Variants in SRSF12 observed in about 807,000 individuals in gnomAD.
The protein encoded by SRSF12 is serine/arginine-rich splicing factor 12.
In SRSF12, 21 loss-of-function variants were observed where a neutral mutation model predicts 34.1. The ratio of observed to expected loss-of-function variants is 0.62; its 90% CI spans 0.44 to 0.89. The LOEUF is 0.89. Ranked by LOEUF, SRSF12 falls within the 40% of genes least tolerant of loss-of-function variation. The pLI is 0.00. For synonymous variants in SRSF12, 111 were observed against 110.8 expected, an observed-to-expected ratio of 1.00 and a Z score of -0.01; for missense variants, 278 against 327.8, an observed-to-expected ratio of 0.85 and a Z score of 1.17.
At chr6:89,110,523 T>C (rs1031040712) in intron 1 of SRSF12, among the ~76,000 whole-genome samples, 5 of 152,212 alleles carry the variant, frequency 3.3e-5, no homozygotes, top group Middle Eastern at 6.3e-3. Flanking sequence ...ACCAGTCTGA[T>C]TGGTTGTAGG....
intron 1 of SRSF12, among the ~76,000 whole-genome samples, chr6:89,112,419 T>C (rs1397740005): frequency 5.9e-5 from 9 of 151,646 alleles, no homozygotes; most frequent in African/African-American, 2.2e-4. Flanking sequence ...CCAAATTAAT[T>C]TCTTTCTAGT....
At chr6:89,117,798 C>A (rs762979246) in intron 1 of SRSF12, 25 bp downstream of exon 1, 1 of 1,543,516 alleles carries the variant, frequency 6.5e-7, no homozygotes. Flanking sequence ...CTCCGCGCCC[C>A]CAACCTGCAG....
At chr6:89,105,298 T>C (rs775271474) in intron 3 of SRSF12, 38 bp from the exon 4 acceptor site, 1 of 1,584,988 alleles carries the variant, frequency 6.3e-7, no homozygotes, top group Non-Finnish European at 8.6e-7. Context: ...CATAATTCGT[T>C]ACCTGAACAC....
chr6:89,104,413 T>C (rs1239596362), intron 4 of SRSF12, among the ~76,000 whole-genome samples: 5 of 151,962 alleles, frequency 3.3e-5, no homozygotes, highest in African/African-American at 4.8e-5. Context: ...AATTTTTGTA[T>C]TTTTAGTAGA....
chr6:89,105,301 C>A, intron 3 of SRSF12, 41 bp from the exon 4 acceptor site: 1 of 1,581,324 alleles, frequency 6.3e-7, no homozygotes, highest in Non-Finnish European at 8.6e-7. Context: ...AATTCGTTAC[C>A]TGAACACCAC....
intron 1 of SRSF12, among the ~76,000 whole-genome samples, chr6:89,113,705 G>A (rs78360304): frequency 0.063 from 9,545 of 152,146 alleles, 869 homozygotes; most frequent in African/African-American, 0.2. Flanking sequence ...GTGCAGTGGT[G>A]CCATCTTGAC....
rs1769396967 is a variant in SRSF12 at position 89,117,983 on chromosome 6, C to G, written c.-96G>C. The G allele has an allele frequency of 7.6e-7, 1 of 1,313,940 alleles. No homozygotes were observed. The highest frequency in any genetic ancestry group is 1.0e-6 in the Non-Finnish European group (1 of 968,908). The allele number at this position is 1,313,940 out of a possible 1,614,324, so 81.4% of individuals were successfully genotyped here. On this transcript the variant is annotated 5_prime_UTR_variant, in exon 1 of 5. Transcript: ENST00000452027. The stretch of plus-strand genomic sequence containing the variant: ...TACCACCACAGGAGCTCCGCCGGCC[C>G]CCGGCGCGACCCCCACCCCTCGGCC...
In SRSF12 at chr6:89,103,517, C is replaced by T. The variant is rs569343483; in HGVS notation, c.416+1602G>A. Among the ~76,000 whole-genome samples the T allele has an allele frequency of 5.3e-5, 8 of 152,160 alleles. No individual in the cohort carries two copies. The South Asian group carries it at 1.0e-3, about 20-fold the overall frequency. The stretch of plus-strand genomic sequence containing the variant: ...CTAATTTTTGTATTTTTAGTAGACA[C>T]GGGGTTTCGCCATGTTGGCCAGACT... On this transcript the variant is annotated intron_variant, in intron 4 of 4. Coordinates refer to ENST00000452027, the MANE Select transcript of SRSF12 (RefSeq NM_080743.5).
In SRSF12 at chr6:89,098,435, A is replaced by C. The variant is rs1038589239; in HGVS notation, c.*143T>G. 16 of 1,089,582 alleles carry C rather than the reference A, an allele frequency of 1.5e-5. No homozygotes were observed. The highest frequency in any genetic ancestry group is 2.0e-5 in the Non-Finnish European group (16 of 809,282). The allele number at this position is 1,089,582 out of a possible 1,614,324, so 67.5% of individuals were successfully genotyped here. A position where few individuals can be genotyped will look rare whatever the true frequency, so the allele number is the denominator to read the frequency against. ...GGAGACCAAATTTTTATTAATCCAA[A>C]GCTAGAGATTTTATTTCTTCCATAT... On this transcript the variant is annotated 3_prime_UTR_variant, in exon 5 of 5. Coordinates refer to ENST00000452027, the MANE Select transcript of SRSF12 (RefSeq NM_080743.5).
intron 1 of SRSF12, 105 bp downstream of exon 1, chr6:89,117,718 C>A (rs995870666): frequency 6.0e-5 from 71 of 1,180,912 alleles, no homozygotes; most frequent in Admixed American, 1.7e-4. Flanking sequence ...CGGGGAGGCT[C>A]CGCGCAGCTC....
intron 1 of SRSF12, among the ~76,000 whole-genome samples, chr6:89,113,205 C>G (rs989178604): frequency 6.6e-6 from 1 of 152,018 alleles, no homozygotes; most frequent in East Asian, 1.9e-4. Context: ...GACACAATTT[C>G]ACTCTGTCAC....
chr6:89,099,151 C>T (rs1768393154), intron 4 of SRSF12, among the ~76,000 whole-genome samples: 1 of 151,140 alleles, frequency 6.6e-6, no homozygotes, highest in African/African-American at 2.4e-5. Context: ...GAATATATGG[C>T]CAAAAATTTT....
At chr6:89,115,414 C>G (rs942954379) in intron 1 of SRSF12, among the ~76,000 whole-genome samples, 2 of 152,116 alleles carry the variant, frequency 1.3e-5, no homozygotes, top group Admixed American at 1.3e-4. Flanking sequence ...TCCTGAGTAG[C>G]TGGGATTACA....
At chr6:89,114,256 C>T (rs575425586) in intron 1 of SRSF12, among the ~76,000 whole-genome samples, 12 of 152,168 alleles carry the variant, frequency 7.9e-5, no homozygotes, top group African/African-American at 2.4e-4. Flanking sequence ...GATGAAACCC[C>T]GTCTCTACTA....
intron 1 of SRSF12, among the ~76,000 whole-genome samples, chr6:89,114,041 G>T (rs1410779158): frequency 6.6e-6 from 1 of 152,164 alleles, no homozygotes; most frequent in African/African-American, 2.4e-5. Flanking sequence ...TACATGTGAT[G>T]ATTCTAATTT....
intron 4 of SRSF12, among the ~76,000 whole-genome samples, chr6:89,100,515 G>T (rs982168425): frequency 2.5e-5 from 2 of 80,524 alleles, no homozygotes; most frequent in Non-Finnish European, 5.2e-5. Context: ...ATGTCCACAT[G>T]TTATGTTAAA....
chr6:89,116,954 C>A (rs1039650027), intron 1 of SRSF12, among the ~76,000 whole-genome samples: 1 of 151,896 alleles, frequency 6.6e-6, no homozygotes, highest in Non-Finnish European at 1.5e-5. Flanking sequence ...TACAATAAAA[C>A]AGTACTGCAT....
At chr6:89,099,396 CT>C (rs66569039) in intron 4 of SRSF12, among the ~76,000 whole-genome samples, 96,119 of 142,232 alleles carry the variant, frequency 0.68, 32,552 homozygotes, top group East Asian at 0.79. Flanking sequence ...CTCTCTCTCT[CT>C]CTCTCCATAT....
At chr6:89,109,194 C>A (rs184266263) in intron 1 of SRSF12, among the ~76,000 whole-genome samples, 193 of 152,220 alleles carry the variant, frequency 1.3e-3, no homozygotes, top group African/African-American at 4.4e-3. Flanking sequence ...GCACCCCAAC[C>A]CGATGCATTA....
Sources: allele counts gnomAD v4.1 joint callset (sites outside exome capture counted in the v4.1 genomes callset), GRCh38; gene constraint gnomAD v4.1.1; transcripts MANE v1.5; gene names NCBI Gene and HGNC (gene_info 2026-07-23, HGNC 2026-07-21).